Variants in RIMS2 observed in about 807,000 individuals in gnomAD.
The protein encoded by RIMS2 is regulating synaptic membrane exocytosis 2, also known as regulating synaptic membrane exocytosis protein 2.
Under a neutral mutation model 174.4 loss-of-function variants are expected in RIMS2, and 59 were observed. That is an observed-to-expected ratio of 0.34 (90% confidence interval 0.27 to 0.42). The LOEUF (loss-of-function observed/expected upper bound fraction) is 0.42, where lower values mean the gene tolerates loss of function less well. Ranked by LOEUF, RIMS2 falls within the 10% of genes least tolerant of loss-of-function variation. RIMS2 has a pLI of 1.00. For synonymous variants in RIMS2, 606 were observed against 572.5 expected (o/e 1.06, Z -0.84); for missense variants, 1,620 against 1,666.3 (o/e 0.97, Z 0.48).
chr8:103,629,404 T>C (rs780971299), intron 1 of RIMS2, among the ~76,000 whole-genome samples: 1 of 152,212 alleles, frequency 6.6e-6, no homozygotes, highest in Non-Finnish European at 1.5e-5. Flanking sequence ...GGATTTTAGA[T>C]TGACTTCGGG....
intron 1 of RIMS2, among the ~76,000 whole-genome samples, chr8:103,683,789 C>T (rs754453399): frequency 6.6e-6 from 1 of 152,108 alleles, no homozygotes; most frequent in Admixed American, 6.6e-5. Context: ...TAATGCAGAG[C>T]TCATTCATTT....
intron 3 of RIMS2, among the ~76,000 whole-genome samples, chr8:103,822,769 G>C (rs770108487): frequency 1.3e-5 from 2 of 151,772 alleles, no homozygotes; most frequent in Non-Finnish European, 3.0e-5. Flanking sequence ...TGCCACTTTA[G>C]TTTAATTTTT....
intron 1 of RIMS2, among the ~76,000 whole-genome samples, chr8:103,503,072 C>G (rs1821251852): frequency 6.6e-6 from 1 of 151,794 alleles, no homozygotes; most frequent in Non-Finnish European, 1.5e-5. Flanking sequence ...CAAATGTTCT[C>G]TAAATACATA....
intron 19 of RIMS2, among the ~76,000 whole-genome samples, chr8:104,178,671 G>C (rs561276172): frequency 2.6e-5 from 4 of 152,070 alleles, no homozygotes; most frequent in Non-Finnish European, 5.9e-5. Flanking sequence ...TTATATAAAT[G>C]AGGTTATTTA....
chr8:103,655,848 A>C (rs527976802), intron 1 of RIMS2, among the ~76,000 whole-genome samples: 1 of 152,214 alleles, frequency 6.6e-6, no homozygotes, highest in East Asian at 1.9e-4. Context: ...ACAGAGAATG[A>C]TAAGGAGTTT....
intron 19 of RIMS2, among the ~76,000 whole-genome samples, chr8:104,017,848 G>T (rs1364192377): frequency 2.0e-5 from 3 of 152,108 alleles, no homozygotes; most frequent in Non-Finnish European, 2.9e-5. Context: ...GGCTGAGGTG[G>T]GTGGATTGCT....
chr8:103,702,607 T>G (rs2097178905), intron 2 of RIMS2, among the ~76,000 whole-genome samples: 1 of 152,216 alleles, frequency 6.6e-6, no homozygotes, highest in Non-Finnish European at 1.5e-5. Flanking sequence ...GACAGAGTTC[T>G]AGTTTCATTC....
intron 2 of RIMS2, among the ~76,000 whole-genome samples, chr8:103,760,553 C>T (rs934707263): frequency 6.6e-6 from 1 of 152,196 alleles, no homozygotes; most frequent in Non-Finnish European, 1.5e-5. Flanking sequence ...TTTTTAGAGA[C>T]ACAGACACCA....
At chr8:103,578,500 C>A (rs2093401527) in intron 1 of RIMS2, among the ~76,000 whole-genome samples, 1 of 151,984 alleles carries the variant, frequency 6.6e-6, no homozygotes, top group South Asian at 2.1e-4. Context: ...CACTGCACTC[C>A]AGCCTGGGTG....
chr8:103,979,354 C>A (rs2093698058), intron 16 of RIMS2, among the ~76,000 whole-genome samples: 3 of 152,054 alleles, frequency 2.0e-5, no homozygotes, highest in Non-Finnish European at 4.4e-5. Flanking sequence ...GAAAAGGGAA[C>A]CCTGGTACAC....
intron 19 of RIMS2, among the ~76,000 whole-genome samples, chr8:104,210,562 T>G (rs967984796): frequency 2.6e-5 from 4 of 152,188 alleles, no homozygotes; most frequent in Non-Finnish European, 5.9e-5. Flanking sequence ...TCTCCTGATC[T>G]CTACATACAC....
chr8:104,074,624 A>G (rs1308432632), intron 19 of RIMS2, among the ~76,000 whole-genome samples: 1 of 152,190 alleles, frequency 6.6e-6, no homozygotes, highest in Non-Finnish European at 1.5e-5. Context: ...TTCAAGTAGC[A>G]CAAATCTAAA....
intron 1 of RIMS2, among the ~76,000 whole-genome samples, chr8:103,573,004 A>G (rs2092945962): frequency 6.6e-6 from 1 of 152,002 alleles, no homozygotes; most frequent in Non-Finnish European, 1.5e-5. Context: ...AGTATTTCCT[A>G]GGTTTTCTTC....
At chr8:103,787,698 C>A (rs1414556284) in intron 3 of RIMS2, among the ~76,000 whole-genome samples, 1 of 152,170 alleles carries the variant, frequency 6.6e-6, no homozygotes, top group Non-Finnish European at 1.5e-5. Context: ...TCTGGCTGCC[C>A]TTAACATTTT....
At chr8:103,964,448 A>G (rs1352311549) in intron 15 of RIMS2, among the ~76,000 whole-genome samples, 1 of 152,050 alleles carries the variant, frequency 6.6e-6, no homozygotes, top group African/African-American at 2.4e-5. Context: ...CTTATTTGCC[A>G]TCTGTTTAAT....
At chr8:104,139,353 T>C (rs1018881865) in intron 19 of RIMS2, among the ~76,000 whole-genome samples, 1 of 152,142 alleles carries the variant, frequency 6.6e-6, no homozygotes, top group African/African-American at 2.4e-5. Context: ...TTGCTTTGGG[T>C]AGTATGGACA....
At chr8:103,884,438 T>C (rs2099187840) in intron 3 of RIMS2, among the ~76,000 whole-genome samples, 1 of 151,830 alleles carries the variant, frequency 6.6e-6, no homozygotes, top group African/African-American at 2.4e-5. Context: ...AGAGAAAAGG[T>C]TAGTGTGAAT....
intron 19 of RIMS2, among the ~76,000 whole-genome samples, chr8:104,137,056 T>C (rs72685013): frequency 0.037 from 5,588 of 152,338 alleles, 137 homozygotes; most frequent in Middle Eastern, 0.14. Context: ...ATCAGTCATC[T>C]ACATGCCAGG....
At chr8:103,572,564 T>G (rs2092910523) in intron 1 of RIMS2, among the ~76,000 whole-genome samples, 1 of 150,676 alleles carries the variant, frequency 6.6e-6, no homozygotes, top group Admixed American at 6.6e-5. Context: ...CAAAATCTGT[T>G]TGTTTTTTTT....
Sources: gnomAD v4.1 joint callset for allele counts (sites outside exome capture counted in the v4.1 genomes callset) on GRCh38, gnomAD v4.1.1 for gene constraint, MANE v1.5 for transcripts, NCBI Gene and HGNC (gene_info 2026-07-23, HGNC 2026-07-21) for gene names.